The following PELI1 variants were observed in gnomAD, a reference collection of about 807,000 sequenced individuals.
PELI1 encodes the protein E3 ubiquitin-protein ligase pellino homolog 1.
Under a neutral mutation model 41.3 loss-of-function variants are expected in PELI1, and 15 were observed. The ratio of observed to expected loss-of-function variants is 0.36; its 90% CI spans 0.24 to 0.56. The LOEUF is 0.56. PELI1 is among the 20% of genes least tolerant of loss of function. The probability of loss-of-function intolerance (pLI) is 0.82; values close to 1 mark genes in which losing one functional copy is unlikely to be tolerated. For missense variants in PELI1, 403 were observed against 525.5 expected (o/e 0.77, Z 2.28); for synonymous variants, 178 against 180.1 (o/e 0.99, Z 0.09).
intron 3 of PELI1, among the ~76,000 whole-genome samples, chr2:64,101,824 ATTTTT>A (rs34370706): frequency 8.3e-6 from 1 of 121,124 alleles, no homozygotes; most frequent in Admixed American, 9.1e-5. Flanking sequence ...TTTGCTTCTG[ATTTTT>A]TTTTTTTTTT....
At chr2:64,123,661 G>A (rs770129664) in intron 1 of PELI1, among the ~76,000 whole-genome samples, 5 of 152,330 alleles carry the variant, frequency 3.3e-5, no homozygotes, top group East Asian at 1.9e-4. Flanking sequence ...TGGTAAGGAT[G>A]TGGAAAAGCT....
intron 2 of PELI1, among the ~76,000 whole-genome samples, chr2:64,107,012 T>A (rs1285310336): frequency 6.6e-6 from 1 of 152,140 alleles, no homozygotes; most frequent in Non-Finnish European, 1.5e-5. Context: ...CACTGCAACC[T>A]CCTCCTCCTG....
chr2:64,110,524 A>G (rs1214888990), intron 1 of PELI1, among the ~76,000 whole-genome samples: 1 of 152,226 alleles, frequency 6.6e-6, no homozygotes, highest in Non-Finnish European at 1.5e-5. Flanking sequence ...AAATAAATAA[A>G]AGAACCTTAA....
intron 4 of PELI1, among the ~76,000 whole-genome samples, chr2:64,099,199 C>CACACAT (rs773913074): frequency 5.9e-4 from 89 of 151,168 alleles, no homozygotes; most frequent in Non-Finnish European, 1.1e-3. Flanking sequence ...CACACACACA[C>CACACAT]ACATATATAT....
At chr2:64,131,957 A>G (rs1310198697) in intron 1 of PELI1, among the ~76,000 whole-genome samples, 1 of 152,184 alleles carries the variant, frequency 6.6e-6, no homozygotes, top group Non-Finnish European at 1.5e-5. Flanking sequence ...TAGGAGGCAG[A>G]ACAGATATGG....
Position 64,104,684 on chromosome 2 carries a change from T to A in PELI1, c.201+17A>T, listed in dbSNP as rs1369524640. 2 of 779,014 alleles carry A rather than the reference T, an allele frequency of 2.6e-6. No individual in the cohort carries two copies. Among genetic ancestry groups the A allele is most frequent in the Non-Finnish European group, 3.5e-6 (2 of 572,418 alleles). The allele number at this position is 779,014 out of a possible 1,614,324, so 48.3% of individuals were successfully genotyped here. A position where few individuals can be genotyped will look rare whatever the true frequency, so the allele number is the denominator to read the frequency against. On this transcript the variant is annotated intron_variant, in intron 3 of 6. Coordinates refer to ENST00000358912, the MANE Select transcript of PELI1 (RefSeq NM_020651.4). ...TTCTCCAAGTTAATTTATGTAGCTT[T>A]TTTTTTTTTTTTTTACCTTTGCAGC...
chr2:64,125,326 T>C (rs7577356), intron 1 of PELI1, among the ~76,000 whole-genome samples: 35,165 of 151,990 alleles, frequency 0.23, 5,242 homozygotes, highest in East Asian at 0.74. Flanking sequence ...CCTATTATGA[T>C]CAGAAAGGGG....
chr2:64,134,076 G>A (rs769129675), intron 1 of PELI1, among the ~76,000 whole-genome samples: 20 of 152,066 alleles, frequency 1.3e-4, no homozygotes, highest in Non-Finnish European at 2.8e-4. Context: ...TTAAGGAGTA[G>A]GAGGAAAATG....
At chr2:64,115,586 C>T (rs79122885) in intron 1 of PELI1, among the ~76,000 whole-genome samples, 3,936 of 152,274 alleles carry the variant, frequency 0.026, 158 homozygotes, top group African/African-American at 0.085. Flanking sequence ...AGAGCTAGGA[C>T]TGAGATCCAC....
chr2:64,142,833 T>G (rs1368411313), intron 1 of PELI1, among the ~76,000 whole-genome samples: 1 of 152,190 alleles, frequency 6.6e-6, no homozygotes, highest in African/African-American at 2.4e-5. Context: ...TTCGACACAG[T>G]AAAGGACAAT....
chr2:64,129,120 T>C (rs917528718), intron 1 of PELI1, among the ~76,000 whole-genome samples: 2 of 152,158 alleles, frequency 1.3e-5, no homozygotes, highest in Admixed American at 6.5e-5. Context: ...GTGCCACCCT[T>C]TTTTGGTATC....
intron 1 of PELI1, among the ~76,000 whole-genome samples, chr2:64,123,258 C>T (rs1050932229): frequency 1.3e-5 from 2 of 152,186 alleles, no homozygotes; most frequent in African/African-American, 4.8e-5. Context: ...TTTCTTTTTG[C>T]TCACCAGATA....
At position 64,108,353 on chromosome 2, in the gene PELI1, G is replaced by A. The variant is rs772591281; in HGVS notation, c.-43C>T. 8.7e-7 allele frequency: 1 copy of A among 1,146,376 alleles called. No individual in the cohort carries two copies. Among genetic ancestry groups the A allele is most frequent in the Admixed American group, 1.8e-5 (1 of 57,044 alleles). 71.0% of individuals were successfully genotyped at this position (1,146,376 alleles called of 1,614,324 possible). ...TCAAATCTTTGTTCACTGGTCAGGA[G>A]CCTTGGGACACCTTTTGCATTATTT... On this transcript the variant is annotated 5_prime_UTR_variant, in exon 2 of 7. Coordinates refer to ENST00000358912, the MANE Select transcript of PELI1 (RefSeq NM_020651.4).
chr2:64,118,076 T>C (rs1681060662), intron 1 of PELI1, among the ~76,000 whole-genome samples: 1 of 152,148 alleles, frequency 6.6e-6, no homozygotes, highest in Admixed American at 6.6e-5. Flanking sequence ...CCCAAAGTGC[T>C]GAGATTACAG....
intron 1 of PELI1, among the ~76,000 whole-genome samples, chr2:64,136,343 G>A (rs533285152): frequency 2.0e-5 from 3 of 152,264 alleles, no homozygotes; most frequent in East Asian, 1.9e-4. Flanking sequence ...AGCCCTGATA[G>A]TATGTGCAGT....
intron 1 of PELI1, among the ~76,000 whole-genome samples, chr2:64,129,577 C>A (rs1021073952): frequency 6.6e-6 from 1 of 152,048 alleles, no homozygotes; most frequent in Admixed American, 6.6e-5. Flanking sequence ...AAAACAAATT[C>A]TTAATAATTC....
intron 1 of PELI1, among the ~76,000 whole-genome samples, chr2:64,124,070 T>C (rs547913895): frequency 6.6e-6 from 1 of 152,284 alleles, no homozygotes; most frequent in South Asian, 2.1e-4. Context: ...TCCATTTATA[T>C]GAAATGTCCA....
intron 3 of PELI1, among the ~76,000 whole-genome samples, chr2:64,102,998 C>T (rs958410841): frequency 9.2e-5 from 14 of 151,920 alleles, no homozygotes; most frequent in Admixed American, 2.6e-4. Flanking sequence ...CATGCCACCA[C>T]GCTTGGCTAA....
rs1468275334 is a variant in PELI1, at chr2:64,100,516, T to C, written c.202-17A>G. 7.6e-7 allele frequency: 1 copy of C among 1,310,658 alleles called. No individual in the cohort carries two copies. Among genetic ancestry groups the C allele is most frequent in the East Asian group, 2.3e-5 (1 of 42,902 alleles). 81.2% of individuals were successfully genotyped at this position (1,310,658 alleles called of 1,614,324 possible). On this transcript the variant is annotated splice_polypyrimidine_tract_variant and intron_variant, in intron 3 of 6. Transcript: ENST00000358912. ...GCTTATTGCCTAAGAATGAAAAAGT[T>C]AATAGCAAAAATTAGTAGGCAGGTC...
Sources: allele counts gnomAD v4.1 joint callset (sites outside exome capture counted in the v4.1 genomes callset), GRCh38; gene constraint gnomAD v4.1.1; transcripts MANE v1.5; gene names NCBI Gene and HGNC (gene_info 2026-07-23, HGNC 2026-07-21).